RALGAPA1: variants seen among roughly 807,000 people sequenced by gnomAD.
RALGAPA1 encodes ral GTPase-activating protein subunit alpha-1.
In RALGAPA1, 52 loss-of-function variants were observed where a neutral mutation model predicts 269.6. That is an observed-to-expected ratio of 0.19 (90% CI 0.15 to 0.24). The LOEUF is 0.24. Ranked by LOEUF, RALGAPA1 falls within the 10% of genes least tolerant of loss-of-function variation. RALGAPA1 has a pLI of 1.00. For missense variants in RALGAPA1, 1,917 were observed against 3,013.9 expected (o/e 0.64, Z 8.52); for synonymous variants, 817 against 1,008.3 (o/e 0.81, Z 3.60).
At position 35,616,007 on chromosome 14, in the gene RALGAPA1, C is replaced by A. The variant is rs117057010; in HGVS notation, c.6929+9354G>T. Among the ~76,000 whole-genome samples, 14 of 152,168 alleles carry A rather than the reference C, an allele frequency of 9.2e-5. No individual in the cohort carries two copies. The East Asian group carries it at 2.3e-3, about 25-fold the overall frequency. The stretch of plus-strand genomic sequence containing the variant: ...CAGAGTACTTAGACAGTTGTTAAAA[C>A]TGTCTTGGAAAGAAGTGATAAGGAC... On this transcript the variant is annotated intron_variant, in intron 35 of 41. Transcript: ENST00000680220.
intron 31 of RALGAPA1, among the ~76,000 whole-genome samples, chr14:35,645,396 T>TGTGTGTGTGTTG (rs1298109818): frequency 6.7e-6 from 1 of 149,784 alleles, no homozygotes; most frequent in African/African-American, 2.5e-5. Flanking sequence ...TGTGTATATG[T>TGTGTGTGTGTTG]TATGTATTTC....
At chr14:35,744,696 C>T (rs181594175) in intron 10 of RALGAPA1, among the ~76,000 whole-genome samples, 2 of 152,210 alleles carry the variant, frequency 1.3e-5, no homozygotes, top group South Asian at 4.1e-4. Flanking sequence ...TTAATCAACT[C>T]ATTCCTAAAT....
At chr14:35,740,882 T>C (rs2071486293) in intron 11 of RALGAPA1, among the ~76,000 whole-genome samples, 1 of 152,216 alleles carries the variant, frequency 6.6e-6, no homozygotes, top group African/African-American at 2.4e-5. Context: ...TTCCACTTTA[T>C]AACTGTAACA....
intron 39 of RALGAPA1, among the ~76,000 whole-genome samples, chr14:35,554,174 A>G (rs2139177616): frequency 6.6e-6 from 1 of 152,212 alleles, no homozygotes; most frequent in Middle Eastern, 3.4e-3. Flanking sequence ...AGCAGATTAG[A>G]GTAAATTATT....
intron 39 of RALGAPA1, among the ~76,000 whole-genome samples, chr14:35,563,977 T>C (rs191463163): frequency 6.6e-6 from 1 of 152,326 alleles, no homozygotes; most frequent in East Asian, 1.9e-4. Flanking sequence ...GAACAGTGTA[T>C]TGCTTTTGTA....
intron 12 of RALGAPA1, among the ~76,000 whole-genome samples, chr14:35,729,167 T>A (rs1474735107): frequency 6.6e-6 from 1 of 152,224 alleles, no homozygotes; most frequent in East Asian, 1.9e-4. Flanking sequence ...AATGAGTTGT[T>A]CAAAACATTT....
At chr14:35,545,662 A>C (rs2054391118) in intron 41 of RALGAPA1, among the ~76,000 whole-genome samples, 1 of 151,408 alleles carries the variant, frequency 6.6e-6, no homozygotes, top group Non-Finnish European at 1.5e-5. Context: ...CCAAAAAATT[A>C]TGAGTATATT....
intron 35 of RALGAPA1, among the ~76,000 whole-genome samples, chr14:35,606,382 G>A (rs539190471): frequency 1.8e-4 from 27 of 152,214 alleles, no homozygotes; most frequent in African/African-American, 6.5e-4. Flanking sequence ...AGGCAATTAT[G>A]ACATACTGTT....
At chr14:35,743,624 C>T (rs2071774623) in intron 10 of RALGAPA1, among the ~76,000 whole-genome samples, 1 of 152,170 alleles carries the variant, frequency 6.6e-6, no homozygotes, top group South Asian at 2.1e-4. Flanking sequence ...GCTTGAACTA[C>T]AGGCACACAC....
chr14:35,609,526 A>T (rs981804135), intron 35 of RALGAPA1, among the ~76,000 whole-genome samples: 3 of 152,226 alleles, frequency 2.0e-5, no homozygotes, highest in African/African-American at 7.2e-5. Flanking sequence ...TCATTGGGAA[A>T]TTTACAGATC....
chr14:35,542,480 A>G (rs2054103106), intron 41 of RALGAPA1: 2 of 154,324 alleles, frequency 1.3e-5, no homozygotes, highest in Admixed American at 1.3e-4. Context: ...GAGTCAAATA[A>G]GGATTTTTAG....
Position 35,695,143 on chromosome 14 carries a change from G to A in RALGAPA1, c.2407+5019C>T, listed in dbSNP as rs544361366. ...AATTTGCCAGGAGGCTGAGGTGGGAGGAATGCTGGAGCCCAGGAGTTCCAG... is the reference window on the plus strand; with the variant it reads ...AATTTGCCAGGAGGCTGAGGTGGGAAGAATGCTGGAGCCCAGGAGTTCCAG... On this transcript the variant is annotated intron_variant, in intron 17 of 41. Transcript: ENST00000680220. Among the ~76,000 whole-genome samples, 53 of 151,988 alleles carry A rather than the reference G, an allele frequency of 3.5e-4. 1 individual carries two copies. In the South Asian group the frequency reaches 0.011, roughly 31 times the overall value.
At chr14:35,550,287 TAA>T (rs1424413037) in intron 39 of RALGAPA1, among the ~76,000 whole-genome samples, 1 of 152,188 alleles carries the variant, frequency 6.6e-6, no homozygotes, top group Non-Finnish European at 1.5e-5. Context: ...TTAAAACTTT[TAA>T]AAGTTTCCCT....
intron 28 of RALGAPA1, among the ~76,000 whole-genome samples, chr14:35,658,909 TAA>T (rs2063367173): frequency 6.6e-6 from 1 of 152,010 alleles, no homozygotes; most frequent in African/African-American, 2.4e-5. Context: ...ATTTTAGAGA[TAA>T]AGAGTGAAGT....
chr14:35,609,075 A>T (rs1037132903), intron 35 of RALGAPA1, among the ~76,000 whole-genome samples: 1 of 151,902 alleles, frequency 6.6e-6, no homozygotes, highest in African/African-American at 2.4e-5. Flanking sequence ...AAATACAAAA[A>T]ATTAGCCAGG....
intron 39 of RALGAPA1, among the ~76,000 whole-genome samples, chr14:35,554,813 C>A (rs186010921): frequency 2.0e-5 from 3 of 152,134 alleles, no homozygotes; most frequent in African/African-American, 7.2e-5. Flanking sequence ...GTGAGACCAA[C>A]GCCATGGGGA....
At chr14:35,677,890 G>T in intron 22 of RALGAPA1, 60 bp downstream of exon 22, 1 of 1,484,610 alleles carries the variant, frequency 6.7e-7, no homozygotes, top group South Asian at 1.2e-5. Context: ...CCTTATTTAT[G>T]ATCTCCTGAC....
At chr14:35,741,288 T>C (rs1248312347) in intron 11 of RALGAPA1, among the ~76,000 whole-genome samples, 1 of 152,156 alleles carries the variant, frequency 6.6e-6, no homozygotes, top group Non-Finnish European at 1.5e-5. Context: ...TTTTCCAGCA[T>C]AAAAATATCA....
At chr14:35,792,142 G>C (rs907039680) in intron 1 of RALGAPA1, among the ~76,000 whole-genome samples, 5 of 152,022 alleles carry the variant, frequency 3.3e-5, no homozygotes, top group Admixed American at 6.6e-5. Context: ...GAGGGTTTTA[G>C]AGCAGTTAGT....
Sources: gnomAD v4.1 joint callset for allele counts (sites outside exome capture counted in the v4.1 genomes callset) on GRCh38, gnomAD v4.1.1 for gene constraint, MANE v1.5 for transcripts, NCBI Gene and HGNC (gene_info 2026-07-23, HGNC 2026-07-21) for gene names.